Variants in PPM1H observed in about 807,000 individuals in gnomAD.
PPM1H encodes the protein protein phosphatase 1H.
Under a neutral mutation model 54.9 loss-of-function variants are expected in PPM1H, and 27 were observed. The ratio of observed to expected loss-of-function variants is 0.49; its 90% CI spans 0.36 to 0.68. The LOEUF (loss-of-function observed/expected upper bound fraction) is 0.68, where lower values mean the gene tolerates loss of function less well. Ranked by LOEUF, PPM1H falls within the 30% of genes least tolerant of loss-of-function variation. The pLI, the probability that PPM1H is intolerant of heterozygous loss-of-function variation, is 0.00. For synonymous variants in PPM1H, 305 were observed against 270.8 expected (o/e 1.13, Z -1.24); for missense variants, 596 against 667.8 (o/e 0.89, Z 1.19).
chr12:62,841,722 T>C (rs1027631663), intron 1 of PPM1H, among the ~76,000 whole-genome samples: 3 of 152,242 alleles, frequency 2.0e-5, no homozygotes, highest in African/African-American at 7.2e-5. Context: ...TAACATTAGC[T>C]GTGGATACAC....
intron 5 of PPM1H, among the ~76,000 whole-genome samples, chr12:62,724,001 C>A (rs2076276807): frequency 6.6e-6 from 1 of 152,076 alleles, no homozygotes; most frequent in Non-Finnish European, 1.5e-5. Context: ...GAAAATAGAT[C>A]ATTAAGACCC....
intron 8 of PPM1H, among the ~76,000 whole-genome samples, chr12:62,670,884 G>A (rs1311732639): frequency 6.6e-6 from 1 of 152,220 alleles, no homozygotes; most frequent in Middle Eastern, 3.4e-3. Context: ...CTGCCCTTTA[G>A]CCAATTTCCA....
rs544577366 is a variant in PPM1H at position 62,729,525 on chromosome 12, T to A, written c.954+7977A>T. On this transcript the variant is annotated intron_variant, in intron 5 of 9. Transcript: ENST00000228705. ...TGGTAAAGTGCTCTTCTCATACGCA[T>A]ACAAGCTGATGAAGTTTCACAAATT... is the stretch of plus-strand genomic sequence containing the variant. Among the ~76,000 whole-genome samples the A allele has an allele frequency of 2.0e-5, 3 of 152,360 alleles. No homozygotes were observed. The South Asian group carries it at 6.2e-4, about 32-fold the overall frequency.
chr12:62,656,304 G>A (rs2075843686), intron 9 of PPM1H, among the ~76,000 whole-genome samples: 1 of 152,138 alleles, frequency 6.6e-6, no homozygotes, highest in Non-Finnish European at 1.5e-5. Flanking sequence ...CTCAATAATA[G>A]TGCAGACCTC....
rs749193413 is a variant in PPM1H at position 62,689,680 on chromosome 12, CA to C, written c.1245+18del. On this transcript the variant is annotated intron_variant, in intron 8 of 9. Transcript: ENST00000228705. ...AATGTTTTATTGCACAAAATATAAA[CA>C]AAAACCTCATGCGGTACCTCTGGAG... is the stretch of plus-strand genomic sequence containing the variant. 1.3e-6 allele frequency: 2 copies of C among 1,595,904 alleles called. No individual in the cohort carries two copies. Among genetic ancestry groups the C allele is most frequent in the Non-Finnish European group, 1.7e-6 (2 of 1,165,882 alleles).
intron 1 of PPM1H, among the ~76,000 whole-genome samples, chr12:62,912,772 A>G (rs781313746): frequency 1.2e-4 from 18 of 152,212 alleles, no homozygotes; most frequent in Non-Finnish European, 2.2e-4. Context: ...GAGTACCTAC[A>G]AGAGAATTTT....
chr12:62,857,008 A>G (rs912048434), intron 1 of PPM1H, among the ~76,000 whole-genome samples: 1 of 152,196 alleles, frequency 6.6e-6, no homozygotes, highest in African/African-American at 2.4e-5. Context: ...ACATAGGTCT[A>G]ATGTGTATAT....
At chr12:62,869,633 A>T (rs1869907497) in intron 1 of PPM1H, among the ~76,000 whole-genome samples, 1 of 152,178 alleles carries the variant, frequency 6.6e-6, no homozygotes, top group Non-Finnish European at 1.5e-5. Flanking sequence ...TTAAAACAGG[A>T]GCATGACAAC....
intron 6 of PPM1H, among the ~76,000 whole-genome samples, chr12:62,718,080 C>T (rs2076245107): frequency 6.6e-6 from 1 of 152,186 alleles, no homozygotes; most frequent in South Asian, 2.1e-4. Context: ...TTGATCTCCC[C>T]ACTTCTGTCA....
At chr12:62,906,213 C>G (rs1871297711) in intron 1 of PPM1H, among the ~76,000 whole-genome samples, 1 of 152,154 alleles carries the variant, frequency 6.6e-6, no homozygotes, top group African/African-American at 2.4e-5. Context: ...AGAAAAGTCT[C>G]AAAATGCACA....
At chr12:62,687,713 A>G (rs1380452641) in intron 8 of PPM1H, among the ~76,000 whole-genome samples, 1 of 152,158 alleles carries the variant, frequency 6.6e-6, no homozygotes, top group East Asian at 1.9e-4. Flanking sequence ...GAATTATTTT[A>G]ATGCTTAATT....
intron 4 of PPM1H, 60 bp from the exon 5 acceptor site, chr12:62,737,646 A>G (rs2076357916): frequency 8.1e-7 from 1 of 1,237,782 alleles, no homozygotes; most frequent in African/African-American, 1.5e-5. Flanking sequence ...ATTCTGTTAC[A>G]ACCATTGCTT....
chr12:62,659,060 C>T (rs1251885457), intron 9 of PPM1H: 22 of 726,316 alleles, frequency 3.0e-5, no homozygotes, highest in Non-Finnish European at 4.3e-5. Context: ...TGATCCACAG[C>T]GTCAAGGAGC....
intron 9 of PPM1H, among the ~76,000 whole-genome samples, chr12:62,657,401 C>G (rs561152940): frequency 6.6e-6 from 1 of 152,226 alleles, no homozygotes; most frequent in Non-Finnish European, 1.5e-5. Flanking sequence ...CCACACAGCT[C>G]TGCCACATAA....
intron 8 of PPM1H, among the ~76,000 whole-genome samples, chr12:62,669,509 T>C (rs1294742331): frequency 1.3e-5 from 2 of 152,202 alleles, no homozygotes; most frequent in East Asian, 1.9e-4. Flanking sequence ...GGATTCCTAC[T>C]GGGCCAGATT....
intron 2 of PPM1H, among the ~76,000 whole-genome samples, chr12:62,826,031 T>C (rs1461251127): frequency 1.3e-5 from 2 of 152,020 alleles, no homozygotes; most frequent in East Asian, 1.9e-4. Context: ...CCAAAAAAAA[T>C]GTGTTTAAGG....
chr12:62,870,410 G>T (rs1338299461), intron 1 of PPM1H, among the ~76,000 whole-genome samples: 1 of 152,128 alleles, frequency 6.6e-6, no homozygotes, highest in East Asian at 1.9e-4. Context: ...GAGATGAGAG[G>T]CTGACTGTAG....
intron 1 of PPM1H, among the ~76,000 whole-genome samples, chr12:62,835,229 C>T (rs746071189): frequency 3.2e-4 from 48 of 152,190 alleles, no homozygotes; most frequent in Non-Finnish European, 5.9e-4. Context: ...GTCCCCTTAA[C>T]GTGCTTCGTC....
At chr12:62,648,921 G>T (rs1232767534) in intron 9 of PPM1H, among the ~76,000 whole-genome samples, 2 of 152,158 alleles carry the variant, frequency 1.3e-5, no homozygotes, top group African/African-American at 2.4e-5. Flanking sequence ...ACATTGAGGG[G>T]AGTCTCAGTT....
Sources: allele counts gnomAD v4.1 joint callset (sites outside exome capture counted in the v4.1 genomes callset), GRCh38; gene constraint gnomAD v4.1.1; transcripts MANE v1.5; gene names NCBI Gene and HGNC (gene_info 2026-07-23, HGNC 2026-07-21).